NAALADL2: variants seen among roughly 807,000 people sequenced by gnomAD.
NAALADL2 encodes inactive N-acetylated-alpha-linked acidic dipeptidase-like protein 2.
NAALADL2 carries 76 observed loss-of-function variants against 87.2 expected under a neutral mutation model. The ratio of observed to expected loss-of-function variants is 0.87; its 90% CI spans 0.72 to 1.05. NAALADL2 has a LOEUF of 1.05. Ranked by LOEUF, NAALADL2 falls within the 50% of genes least tolerant of loss-of-function variation. The pLI is 0.00. For synonymous variants in NAALADL2, 354 were observed against 331.0 expected, an observed-to-expected ratio of 1.07 and a Z score of -0.75; for missense variants, 1,089 against 945.8, an observed-to-expected ratio of 1.15 and a Z score of -1.99.
At chr3:175,644,780 G>A (rs949269235) in intron 11 of NAALADL2, among the ~76,000 whole-genome samples, 3 of 152,044 alleles carry the variant, frequency 2.0e-5, no homozygotes, top group Admixed American at 6.6e-5. Context: ...GGCTTGCTGA[G>A]ATATTTATTT....
intron 1 of NAALADL2, among the ~76,000 whole-genome samples, chr3:174,518,174 C>T (rs1295394444): frequency 2.0e-5 from 3 of 152,092 alleles, no homozygotes; most frequent in Non-Finnish European, 2.9e-5. Context: ...AGAGAGGCTA[C>T]AAATCTGGAT....
intron 6 of NAALADL2, 135 bp from the exon 7 acceptor site, chr3:175,463,266 G>A (rs939694182): frequency 5.2e-6 from 3 of 575,604 alleles, no homozygotes; most frequent in Admixed American, 6.1e-5. Flanking sequence ...GTCGGAAAAA[G>A]TATAACTGGC....
At chr3:175,578,831 G>A (rs977672767) in intron 10 of NAALADL2, among the ~76,000 whole-genome samples, 1 of 152,138 alleles carries the variant, frequency 6.6e-6, no homozygotes, top group African/African-American at 2.4e-5. Context: ...TTTTCTCCAC[G>A]GAAACAATCA....
At chr3:175,764,907 A>C (rs1748498051) in intron 13 of NAALADL2, among the ~76,000 whole-genome samples, 1 of 152,108 alleles carries the variant, frequency 6.6e-6, no homozygotes, top group Admixed American at 6.6e-5. Flanking sequence ...TGTAAGTCCC[A>C]AAAGGACCTC....
rs537347105 is a variant in NAALADL2 at position 175,359,487 on chromosome 3, G to C, written c.1090+35162G>C. Among the ~76,000 whole-genome samples the C allele has an allele frequency of 3.3e-5, 5 of 151,830 alleles. No individual in the cohort carries two copies. The Admixed American group carries it at 3.3e-4, about 10-fold the overall frequency. ...TAACTAAAATTCATTTCTGCCTTCT[G>C]TGTAGGAAGGATATATCTAATTATT... is the stretch of plus-strand genomic sequence containing the variant. On this transcript the variant is annotated intron_variant, in intron 5 of 13. Coordinates refer to ENST00000454872, the MANE Select transcript of NAALADL2 (RefSeq NM_207015.3).
At chr3:175,698,350 T>C (rs554318249) in intron 11 of NAALADL2, among the ~76,000 whole-genome samples, 16 of 80,372 alleles carry the variant, frequency 2.0e-4, no homozygotes, top group South Asian at 5.7e-4. Context: ...TGTATGTGTA[T>C]TTATGTATGT....
At chr3:174,730,021 A>G (rs1264466124) in intron 2 of NAALADL2, among the ~76,000 whole-genome samples, 3 of 152,040 alleles carry the variant, frequency 2.0e-5, no homozygotes, top group Non-Finnish European at 2.9e-5. Context: ...AGGACTTTCT[A>G]TGAAAGGTTT....
rs530125845 is a variant in NAALADL2 at position 175,745,358 on chromosome 3, A to AT, written c.1990+7961dup. 1.1e-4 allele frequency among the ~76,000 whole-genome samples: 17 copies of AT among 152,308 alleles called. No homozygotes were observed. The South Asian group carries it at 2.9e-3, about 26-fold the overall frequency. On this transcript the variant is annotated intron_variant, in intron 12 of 13. Transcript: ENST00000454872. ...AAGATAGCTGATATACTTCAGATGTATTAATACTTGTGACAAAAAATGAAT... is the reference window on the plus strand; with the variant it reads ...AAGATAGCTGATATACTTCAGATGTATTTAATACTTGTGACAAAAAATGAAT...
In NAALADL2 at chr3:175,481,335, C is replaced by CTGTGTGTG. The variant is rs3040504; in HGVS notation, c.1653+9601_1653+9608dup. Among the ~76,000 whole-genome samples the CTGTGTGTG allele has an allele frequency of 2.3e-3, 329 of 143,978 alleles. 2 individuals are homozygous for CTGTGTGTG. The highest frequency in any genetic ancestry group is 7.3e-3 in the African/African-American group (286 of 39,166). The allele number at this position is 143,978 out of a possible 152,430, so 94.5% of individuals were successfully genotyped here. ...TTCTTTGTCATTACTAACAATGCCACTGTGTGTGTGTGTGTGTGTGTGTGT... is the reference window on the plus strand; with the variant it reads ...TTCTTTGTCATTACTAACAATGCCACTGTGTGTGTGTGTGTGTGTGTGTGTGTGTGTGT... On this transcript the variant is annotated intron_variant, in intron 9 of 13. Coordinates refer to ENST00000454872, the MANE Select transcript of NAALADL2 (RefSeq NM_207015.3).
chr3:175,021,136 T>TA (rs1751500838), intron 1 of NAALADL2, among the ~76,000 whole-genome samples: 1 of 152,022 alleles, frequency 6.6e-6, no homozygotes. Flanking sequence ...AGAAAGTTAC[T>TA]ATCAAAAGAG....
At chr3:174,889,769 C>G (rs1174189766) in intron 1 of NAALADL2, among the ~76,000 whole-genome samples, 1 of 152,108 alleles carries the variant, frequency 6.6e-6, no homozygotes. Context: ...TTATGATTCT[C>G]TCCCTCCTTG....
intron 2 of NAALADL2, among the ~76,000 whole-genome samples, chr3:175,184,954 G>A (rs112207158): frequency 3.9e-5 from 6 of 152,004 alleles, no homozygotes; most frequent in African/African-American, 1.4e-4. Flanking sequence ...ATTACTATAC[G>A]ATAGGTTGTA....
chr3:174,711,947 A>G (rs1158947390), intron 2 of NAALADL2, among the ~76,000 whole-genome samples: 1 of 151,630 alleles, frequency 6.6e-6, no homozygotes, highest in East Asian at 2.0e-4. Context: ...CTACAGGCGC[A>G]TGCCACCACA....
chr3:175,278,429 C>T (rs1315768384), intron 4 of NAALADL2, among the ~76,000 whole-genome samples: 6 of 152,096 alleles, frequency 3.9e-5, no homozygotes, highest in Non-Finnish European at 7.3e-5. Flanking sequence ...TGAGTACCTG[C>T]GTCTAACCAT....
chr3:175,097,523 A>G (rs1721368063), intron 2 of NAALADL2, among the ~76,000 whole-genome samples: 1 of 152,144 alleles, frequency 6.6e-6, no homozygotes, highest in Non-Finnish European at 1.5e-5. Flanking sequence ...AATCATAACT[A>G]CTATGGAGAC....
chr3:174,825,765 C>A lies in NAALADL2; in HGVS notation c.-9+88019C>A, dbSNP rs575392916. 3.9e-5 allele frequency among the ~76,000 whole-genome samples: 6 copies of A among 152,278 alleles called. No individual in the cohort carries two copies. In the South Asian group the frequency reaches 1.2e-3, roughly 32 times the overall value. On this transcript the variant is annotated intron_variant, in intron 3 of 3. Transcript: ENST00000434257. The stretch of plus-strand genomic sequence containing the variant: ...TTGAAGGGCCAGGCACAGTGGCTCA[C>A]ACCTGTAATCCCAGCACTTTGGGAG...
At chr3:175,002,237 G>A (rs1748347470) in intron 1 of NAALADL2, among the ~76,000 whole-genome samples, 1 of 152,176 alleles carries the variant, frequency 6.6e-6, no homozygotes, top group Admixed American at 6.5e-5. Context: ...ATGGGTAACA[G>A]TGTCAAGAAA....
At chr3:175,585,121 T>C (rs754736114) in intron 10 of NAALADL2, among the ~76,000 whole-genome samples, 33 of 151,908 alleles carry the variant, frequency 2.2e-4, no homozygotes, top group Non-Finnish European at 3.7e-4. Context: ...CCTTATTCTA[T>C]AAGCTTTTTT....
chr3:174,528,433 C>G (rs1433948167), intron 1 of NAALADL2, among the ~76,000 whole-genome samples: 1 of 152,086 alleles, frequency 6.6e-6, no homozygotes, highest in East Asian at 1.9e-4. Flanking sequence ...AGTTTGAGAC[C>G]AGTCTGGCCA....
Sources: gnomAD v4.1 joint callset for allele counts (sites outside exome capture counted in the v4.1 genomes callset) on GRCh38, gnomAD v4.1.1 for gene constraint, MANE v1.5 for transcripts, NCBI Gene and HGNC (gene_info 2026-07-23, HGNC 2026-07-21) for gene names.